Variants in ADAMTS3 observed in about 807,000 individuals in gnomAD.
The protein encoded by ADAMTS3 is A disintegrin and metalloproteinase with thrombospondin motifs 3.
In ADAMTS3, 73 loss-of-function variants were observed where a neutral mutation model predicts 129.0. The observed-to-expected ratio is 0.57, with a 90% CI of 0.47 to 0.69. The LOEUF (loss-of-function observed/expected upper bound fraction) is 0.69. ADAMTS3 is among the 30% of genes least tolerant of loss of function. ADAMTS3 has a pLI of 0.00. For synonymous variants in ADAMTS3, 477 were observed against 510.8 expected (o/e 0.93, Z 0.89); for missense variants, 1,457 against 1,514.5 (o/e 0.96, Z 0.63).
chr4:72,483,908 C>T (rs1367941418), intron 3 of ADAMTS3, among the ~76,000 whole-genome samples: 1 of 152,026 alleles, frequency 6.6e-6, no homozygotes, highest in East Asian at 1.9e-4. Flanking sequence ...GTCCCAGCTA[C>T]TCAGGAGGCT....
intron 4 of ADAMTS3, among the ~76,000 whole-genome samples, chr4:72,344,828 C>T (rs1324194257): frequency 6.6e-6 from 1 of 152,064 alleles, no homozygotes; most frequent in Non-Finnish European, 1.5e-5. Flanking sequence ...GAGTGTGACT[C>T]CCCAGTGACT....
At chr4:72,332,845 A>G (rs529164539) in intron 5 of ADAMTS3, among the ~76,000 whole-genome samples, 5 of 152,330 alleles carry the variant, frequency 3.3e-5, no homozygotes, top group Non-Finnish European at 7.3e-5. Flanking sequence ...TCTCATTTCA[A>G]TGACTTGAAT....
chr4:72,525,331 C>T (rs1720780103), intron 3 of ADAMTS3, among the ~76,000 whole-genome samples: 1 of 152,206 alleles, frequency 6.6e-6, no homozygotes, highest in Non-Finnish European at 1.5e-5. Context: ...TCAGACTTTT[C>T]CCTGAAACTC....
intron 4 of ADAMTS3, among the ~76,000 whole-genome samples, chr4:72,411,774 AT>A: frequency 6.6e-6 from 1 of 152,206 alleles, no homozygotes; most frequent in Non-Finnish European, 1.5e-5. Flanking sequence ...ATATACCTGA[AT>A]TCTGGAAAGA....
At chr4:72,498,534 A>G (rs1719927379) in intron 3 of ADAMTS3, among the ~76,000 whole-genome samples, 1 of 152,092 alleles carries the variant, frequency 6.6e-6, no homozygotes, top group Non-Finnish European at 1.5e-5. Flanking sequence ...TACCTACTAA[A>G]TCACATTCAT....
At chr4:72,294,668 C>T (rs2109776616) in intron 19 of ADAMTS3, among the ~76,000 whole-genome samples, 1 of 151,914 alleles carries the variant, frequency 6.6e-6, no homozygotes, top group East Asian at 1.9e-4. Context: ...TTTCAGGACA[C>T]TAGGAACAAA....
intron 4 of ADAMTS3, among the ~76,000 whole-genome samples, chr4:72,371,362 A>G (rs1721000582): frequency 1.3e-5 from 2 of 152,092 alleles, no homozygotes; most frequent in Non-Finnish European, 2.9e-5. Flanking sequence ...TAATGCTTAC[A>G]AGCGACACAT....
chr4:72,503,461 C>G (rs1036929686), intron 3 of ADAMTS3, among the ~76,000 whole-genome samples: 3 of 152,074 alleles, frequency 2.0e-5, no homozygotes, highest in Non-Finnish European at 4.4e-5. Flanking sequence ...CCACTGTGGT[C>G]TGAGATTATA....
chr4:72,295,128 C>T (rs1047283925), intron 19 of ADAMTS3, among the ~76,000 whole-genome samples: 5 of 151,892 alleles, frequency 3.3e-5, no homozygotes, highest in South Asian at 2.1e-4. Flanking sequence ...CTGGAAGAAA[C>T]GTTACAAGAA....
chr4:72,387,261 C>T (rs1186264873), intron 4 of ADAMTS3, among the ~76,000 whole-genome samples: 1 of 151,922 alleles, frequency 6.6e-6, no homozygotes, highest in Non-Finnish European at 1.5e-5. Context: ...GCAGGTATAC[C>T]CTGTTATCAG....
At chr4:72,458,544 T>A (rs1718684774) in intron 3 of ADAMTS3, among the ~76,000 whole-genome samples, 1 of 151,630 alleles carries the variant, frequency 6.6e-6, no homozygotes, top group African/African-American at 2.4e-5. Context: ...AATAGGGATG[T>A]TTTAAAACTT....
At chr4:72,541,080 C>T (rs1456277692) in intron 3 of ADAMTS3, among the ~76,000 whole-genome samples, 1 of 152,190 alleles carries the variant, frequency 6.6e-6, no homozygotes, top group Admixed American at 6.5e-5. Context: ...AGACACTCAA[C>T]ATCAGCCCAT....
At chr4:72,557,516 A>C (rs761884003) in intron 2 of ADAMTS3, among the ~76,000 whole-genome samples, 3 of 151,898 alleles carry the variant, frequency 2.0e-5, no homozygotes, top group Non-Finnish European at 4.4e-5. Flanking sequence ...TTAATTGCAA[A>C]TCTATTTTCA....
chr4:72,397,135 C>T (rs1465721266), intron 4 of ADAMTS3, among the ~76,000 whole-genome samples: 1 of 152,134 alleles, frequency 6.6e-6, no homozygotes, highest in Non-Finnish European at 1.5e-5. Context: ...GTGTATTCTG[C>T]ATTCCACATG....
At chr4:72,310,968 T>A (rs983435031) in intron 14 of ADAMTS3, 80 bp downstream of exon 14, 1 of 1,325,046 alleles carries the variant, frequency 7.5e-7, no homozygotes, top group African/African-American at 1.5e-5. Flanking sequence ...TAAAATAGTT[T>A]AAAAAATTAA....
At chr4:72,562,653 G>C (rs2109807376) in intron 2 of ADAMTS3, among the ~76,000 whole-genome samples, 1 of 152,196 alleles carries the variant, frequency 6.6e-6, no homozygotes, top group East Asian at 1.9e-4. Flanking sequence ...ACAGCAGTTT[G>C]GGAACTGGAA....
At chr4:72,317,240 C>T (rs1211489340) in intron 10 of ADAMTS3, among the ~76,000 whole-genome samples, 1 of 152,046 alleles carries the variant, frequency 6.6e-6, no homozygotes, top group East Asian at 1.9e-4. Context: ...TCCTTATTAT[C>T]GAATGTGGAA....
intron 3 of ADAMTS3, among the ~76,000 whole-genome samples, chr4:72,475,258 T>G (rs920412281): frequency 2.0e-5 from 3 of 151,956 alleles, no homozygotes; most frequent in African/African-American, 7.2e-5. Context: ...AATTACATGC[T>G]GTCTACAAGA....
intron 10 of ADAMTS3, among the ~76,000 whole-genome samples, chr4:72,318,028 CA>C (rs1252397421): frequency 2.7e-3 from 329 of 122,900 alleles, no homozygotes; most frequent in Middle Eastern, 4.5e-3. Flanking sequence ...GACTCCGTCT[CA>C]AAAAAAAAAA....
Sources: allele counts gnomAD v4.1 joint callset (sites outside exome capture counted in the v4.1 genomes callset), GRCh38; gene constraint gnomAD v4.1.1; transcripts MANE v1.5; gene names NCBI Gene and HGNC (gene_info 2026-07-23, HGNC 2026-07-21).